Variants in IPO9 observed in about 807,000 individuals in gnomAD.
The protein encoded by IPO9 is importin-9.
IPO9 carries 28 observed loss-of-function variants against 128.6 expected under a neutral mutation model. The ratio of observed to expected loss-of-function variants is 0.22; its 90% confidence interval spans 0.16 to 0.30. IPO9 has a LOEUF of 0.30. IPO9 is among the 10% of genes least tolerant of loss of function. The probability of loss-of-function intolerance (pLI) is 1.00; values close to 1 mark genes in which losing one functional copy is unlikely to be tolerated. For missense variants in IPO9, 935 were observed against 1,293.9 expected (o/e 0.72, Z 4.26); for synonymous variants, 455 against 475.8 (o/e 0.96, Z 0.57).
At position 201,863,557 on chromosome 1, in the gene IPO9, C is replaced by T. The variant is rs549731118; in HGVS notation, c.1578C>T (p.His526=). Residue 526 remains histidine (H), a synonymous_variant, in exon 14 of 24, where the codon CAC becomes CAT. Transcript: ENST00000361565. ...TACAGGCAACAGTTAGTGGTCTTCA[C>T]GAGACACAGCCCCCATCAGTTCGAA... ...QFLQATVSGL[H]ETQPPSVRIS... is the part of the protein sequence containing the mutation. 5 of 1,604,670 alleles carry T rather than the reference C, an allele frequency of 3.1e-6. No homozygotes were observed. The highest frequency in any genetic ancestry group is 3.3e-5 in the Admixed American group (2 of 59,888).
At chr1:201,831,051 T>G (rs749467285) in intron 1 of IPO9, among the ~76,000 whole-genome samples, 8 of 152,168 alleles carry the variant, frequency 5.3e-5, no homozygotes, top group Non-Finnish European at 8.8e-5. Flanking sequence ...CGTGTAGACT[T>G]TGGAGCAGTG....
rs1288061167 is a variant in IPO9 at position 201,857,082 on chromosome 1, C to T, written c.1123-14C>T. On this transcript the variant is annotated splice_polypyrimidine_tract_variant and intron_variant, in intron 10 of 23. Transcript: ENST00000361565. Reference sequence around the variant, plus strand: ...GATTGGCAGCATCACAAAGACATAACTTGATCTTTTCAGATTAAAGTATGG... The same window carrying T: ...GATTGGCAGCATCACAAAGACATAATTTGATCTTTTCAGATTAAAGTATGG... The T allele has an allele frequency of 3.3e-6, 5 of 1,495,994 alleles. No homozygotes were observed. The highest frequency in any genetic ancestry group is 3.7e-6 in the Non-Finnish European group (4 of 1,072,482). 92.7% of individuals were successfully genotyped at this position (1,495,994 alleles called of 1,614,324 possible). A position where few individuals can be genotyped will look rare whatever the true frequency, so the allele number is the denominator to read the frequency against.
chr1:201,874,805 C>T, intron 21 of IPO9, 27 bp from the exon 22 acceptor site: 1 of 1,475,460 alleles, frequency 6.8e-7, no homozygotes, highest in Non-Finnish European at 9.5e-7. Context: ...TGTGCTCTAG[C>T]TCTAGCTGCT....
intron 1 of IPO9, among the ~76,000 whole-genome samples, chr1:201,833,386 G>T (rs530760709): frequency 6.6e-6 from 1 of 151,908 alleles, no homozygotes; most frequent in African/African-American, 2.4e-5. Context: ...TTACAGGCGC[G>T]TACCAACACG....
intron 1 of IPO9, among the ~76,000 whole-genome samples, chr1:201,835,937 C>T (rs1679912569): frequency 2.6e-5 from 4 of 151,862 alleles, no homozygotes; most frequent in Admixed American, 2.6e-4. Flanking sequence ...TGGTGAAACC[C>T]CATCTCTACT....
intron 1 of IPO9, among the ~76,000 whole-genome samples, chr1:201,832,464 G>A (rs114786087): frequency 0.011 from 1,670 of 152,256 alleles, 33 homozygotes; most frequent in African/African-American, 0.038. Context: ...TAGCCATGTT[G>A]CCCAGGCTGA....
chr1:201,875,111 GC>G, intron 22 of IPO9, 40 bp from the exon 23 acceptor site: 1 of 1,568,014 alleles, frequency 6.4e-7, no homozygotes, highest in Non-Finnish European at 8.8e-7. Context: ...CTGATCATGG[GC>G]CTTTGTCCTG....
In IPO9 at chr1:201,829,227, A is replaced by C. The variant is rs1042568436; in HGVS notation, c.18A>C (p.Ala6=). The change falls in exon 1 of 24, where the codon GCA becomes GCC. Residue 6 remains alanine, a synonymous_variant. Coordinates refer to ENST00000361565, the MANE Select transcript of IPO9 (RefSeq NM_018085.5). ...GAGAAAAGATGGCGGCGGCGGCGGC[A>C]GCTGGTGCGGCCTCCGGGCTGCCGG... MAAAA[A]AGAASGLPGP... 42 of 1,563,752 alleles carry C rather than the reference A, an allele frequency of 2.7e-5. No individual in the cohort carries two copies. The highest frequency in any genetic ancestry group is 3.4e-5 in the Non-Finnish European group (40 of 1,159,756).
rs1680883274 is a variant in IPO9 at position 201,881,506 on chromosome 1, C to T, written c.*5452C>T. The T allele has an allele frequency of 1.3e-5, 2 of 152,130 alleles. No homozygotes were observed. Among genetic ancestry groups the T allele is most frequent in the Admixed American group, 1.3e-4 (2 of 15,278 alleles). The allele number at this position is 152,130 out of a possible 1,614,324, so 9.4% of individuals were successfully genotyped here. A position where few individuals can be genotyped will look rare whatever the true frequency, so the allele number is the denominator to read the frequency against. ...AGAAAAGGCCGTCATGAAACAATTT[C>T]ATTTTCAGACCTTATAAGCACGTTA... is the stretch of plus-strand genomic sequence containing the variant. On this transcript the variant is annotated 3_prime_UTR_variant, in exon 24 of 24. Coordinates refer to ENST00000361565, the MANE Select transcript of IPO9 (RefSeq NM_018085.5).
intron 5 of IPO9, 29 bp from the exon 6 acceptor site, chr1:201,852,982 A>T (rs769031530): frequency 2.5e-6 from 4 of 1,582,896 alleles, no homozygotes; most frequent in Non-Finnish European, 8.7e-7. Flanking sequence ...TCTCGTGGCT[A>T]TGCTGTTATG....
chr1:201,874,435 A>G lies in IPO9; in HGVS notation c.2833+63A>G, dbSNP rs745888415. On this transcript the variant is annotated intron_variant, in intron 21 of 23. Transcript: ENST00000361565. ...GGCAGATCAAGTTACAAATTGTCAA[A>G]TTATCAACTTGGTTTGTTGAGTCAC... The G allele has an allele frequency of 7.0e-5, 109 of 1,555,024 alleles. No homozygotes were observed. The Admixed American group carries it at 1.2e-3, about 18-fold the overall frequency.
chr1:201,866,332 A>C (rs1680553634), intron 14 of IPO9, among the ~76,000 whole-genome samples: 1 of 152,204 alleles, frequency 6.6e-6, no homozygotes, highest in Non-Finnish European at 1.5e-5. Flanking sequence ...ATTGGACATG[A>C]TAAGCAACAT....
In IPO9 at chr1:201,880,048, AGTT is replaced by A. The variant is rs1432238679; in HGVS notation, c.*3995_*3997del. The stretch of plus-strand genomic sequence containing the variant: ...AGCAAGATTCTGTCTCAAAAAATAA[AGTT>A]TATTATGCCAGGAGGGCCAGGTGTG... On this transcript the variant is annotated 3_prime_UTR_variant, in exon 24 of 24. Transcript: ENST00000361565. 6.6e-6 allele frequency: 1 copy of A among 152,134 alleles called. No homozygotes were observed. Among genetic ancestry groups the A allele is most frequent in the Non-Finnish European group, 1.5e-5 (1 of 68,046 alleles). 9.4% of individuals were successfully genotyped at this position (152,134 alleles called of 1,614,324 possible).
Position 201,880,426 on chromosome 1 carries a change from G to C in IPO9, c.*4372G>C, listed in dbSNP as rs763047612. ...AAGGCTAAGATGTAGAGGACAAATC[G>C]TGTCAAGGAAAAGAAGCTTGAAGGA... On this transcript the variant is annotated 3_prime_UTR_variant, in exon 24 of 24. Transcript: ENST00000361565. The C allele has an allele frequency of 2.6e-5, 4 of 152,184 alleles. No homozygotes were observed. Among genetic ancestry groups the C allele is most frequent in the Non-Finnish European group, 4.4e-5 (3 of 68,034 alleles). 9.4% of individuals were successfully genotyped at this position (152,184 alleles called of 1,614,324 possible).
chr1:201,881,495 T>C lies in IPO9; in HGVS notation c.*5441T>C, dbSNP rs1331276156. 1 of 152,212 alleles carries C rather than the reference T, an allele frequency of 6.6e-6. No individual in the cohort carries two copies. The highest frequency in any genetic ancestry group is 2.4e-5 in the African/African-American group (1 of 41,452). 9.4% of individuals were successfully genotyped at this position (152,212 alleles called of 1,614,324 possible). On this transcript the variant is annotated 3_prime_UTR_variant, in exon 24 of 24. Coordinates refer to ENST00000361565, the MANE Select transcript of IPO9 (RefSeq NM_018085.5). ...GAGAAAAAGTAAGAAAAGGCCGTCATGAAACAATTTCATTTTCAGACCTTA... is the reference window on the plus strand; with the variant it reads ...GAGAAAAAGTAAGAAAAGGCCGTCACGAAACAATTTCATTTTCAGACCTTA...
chr1:201,868,153 A>C (rs1347489124), intron 15 of IPO9, among the ~76,000 whole-genome samples: 4 of 152,176 alleles, frequency 2.6e-5, no homozygotes, highest in African/African-American at 9.7e-5. Context: ...TCTGCTTTTT[A>C]GGAGTTTTGC....
chr1:201,852,388 A>G lies in IPO9; in HGVS notation c.603+196A>G, dbSNP rs897370067. On this transcript the variant is annotated intron_variant, in intron 5 of 23. Coordinates refer to ENST00000361565, the MANE Select transcript of IPO9 (RefSeq NM_018085.5). ...GGCAAGCCTTTGATAAAAGTGTGAAATAGCTGAAATATTTCTTCACATATC... is the reference window on the plus strand; with the variant it reads ...GGCAAGCCTTTGATAAAAGTGTGAAGTAGCTGAAATATTTCTTCACATATC... Among the ~76,000 whole-genome samples, 10 of 152,210 alleles carry G rather than the reference A, an allele frequency of 6.6e-5. No individual in the cohort carries two copies. The East Asian group carries it at 1.9e-3, about 29-fold the overall frequency.
intron 17 of IPO9, among the ~76,000 whole-genome samples, chr1:201,870,000 A>G (rs1680619428): frequency 6.6e-6 from 1 of 152,202 alleles, no homozygotes; most frequent in South Asian, 2.1e-4. Context: ...TTGGGGCCAT[A>G]AGAAAGTCTT....
chr1:201,877,499 A>C lies in IPO9; in HGVS notation c.*1445A>C, dbSNP rs1194191605. The stretch of plus-strand genomic sequence containing the variant: ...AGGCAAGACTCAATCACACACACAC[A>C]CACACACACACACAAATCATGGGGA... On this transcript the variant is annotated 3_prime_UTR_variant, in exon 24 of 24. Transcript: ENST00000361565. 3.4e-5 allele frequency: 1 copy of C among 29,300 alleles called. No individual in the cohort carries two copies. Among genetic ancestry groups the C allele is most frequent in the African/African-American group, 6.5e-5 (1 of 15,352 alleles). 1.8% of individuals were successfully genotyped at this position (29,300 alleles called of 1,614,324 possible).
Sources: allele counts gnomAD v4.1 joint callset (sites outside exome capture counted in the v4.1 genomes callset), GRCh38; gene constraint gnomAD v4.1.1; transcripts MANE v1.5; gene names NCBI Gene and HGNC (gene_info 2026-07-23, HGNC 2026-07-21).